Variants in HDAC9 observed in about 807,000 individuals in gnomAD.
The protein encoded by HDAC9 is histone deacetylase 9, also known as MEF-2 interacting transcription repressor (MITR) protein.
HDAC9 carries 41 observed loss-of-function variants against 139.4 expected under a neutral mutation model. That is an observed-to-expected ratio of 0.29 (90% CI 0.23 to 0.38). The LOEUF is 0.38. Among genes scored for constraint, HDAC9 ranks in the 10% least tolerant of loss-of-function variants. The pLI, the probability that HDAC9 is intolerant of heterozygous loss-of-function variation, is 1.00. For missense variants in HDAC9, 1,147 were observed against 1,297.0 expected, an observed-to-expected ratio of 0.88 and a Z score of 1.78; for synonymous variants, 517 against 476.2, an observed-to-expected ratio of 1.09 and a Z score of -1.12.
At chr7:18,218,642 G>T (rs187279086) in intron 2 of HDAC9, among the ~76,000 whole-genome samples, 8 of 152,120 alleles carry the variant, frequency 5.3e-5, no homozygotes, top group Non-Finnish European at 1.2e-4. Context: ...TTACGCTTAG[G>T]TCCACCATTC....
intron 1 of HDAC9, among the ~76,000 whole-genome samples, chr7:18,391,310 G>A (rs900555057): frequency 1.3e-5 from 2 of 151,974 alleles, no homozygotes; most frequent in East Asian, 1.9e-4. Context: ...ACTGGAACCC[G>A]GAAGGCAGAG....
At chr7:18,307,123 GTGTGTGT>G in intron 1 of HDAC9, among the ~76,000 whole-genome samples, 1 of 151,606 alleles carries the variant, frequency 6.6e-6, no homozygotes, top group South Asian at 2.1e-4. Context: ...GTGTGTGTGT[GTGTGTGT>G]GTGTGTGTGT....
intron 1 of HDAC9, among the ~76,000 whole-genome samples, chr7:18,328,722 G>A (rs1585199564): frequency 1.3e-5 from 2 of 151,686 alleles, no homozygotes; most frequent in Admixed American, 1.3e-4. Context: ...AGGACTTTTT[G>A]CATCTATGTT....
At chr7:18,767,184 AATAAC>A in intron 16 of HDAC9, 29 bp downstream of exon 16, 1 of 1,301,428 alleles carries the variant, frequency 7.7e-7, no homozygotes, top group Non-Finnish European at 1.1e-6. Context: ...ACTGCCTTTA[AATAAC>A]ATAAAATTAC....
intron 16 of HDAC9, among the ~76,000 whole-genome samples, chr7:18,771,800 T>C (rs1215407066): frequency 2.0e-5 from 3 of 152,136 alleles, no homozygotes; most frequent in Non-Finnish European, 2.9e-5. Context: ...ACCACATCTA[T>C]GGACATATAG....
intron 22 of HDAC9, among the ~76,000 whole-genome samples, chr7:18,927,279 C>T (rs1804318427): frequency 1.3e-5 from 2 of 152,264 alleles, no homozygotes; most frequent in South Asian, 2.1e-4. Flanking sequence ...TGAATTACAG[C>T]ACCATGAGTC....
intron 1 of HDAC9, among the ~76,000 whole-genome samples, chr7:18,367,423 G>A (rs1240017822): frequency 1.3e-5 from 2 of 152,082 alleles, no homozygotes; most frequent in African/African-American, 2.4e-5. Flanking sequence ...AATTGGTAAA[G>A]ACTCTGTAGA....
intron 6 of HDAC9, among the ~76,000 whole-genome samples, chr7:18,603,126 C>T (rs150023041): frequency 1.5e-3 from 232 of 152,182 alleles, no homozygotes; most frequent in Admixed American, 3.8e-3. Context: ...GCTCTTCCAA[C>T]ATCCTTCTGT....
intron 1 of HDAC9, among the ~76,000 whole-genome samples, chr7:18,139,961 C>T (rs776433497): frequency 9.2e-5 from 14 of 152,148 alleles, no homozygotes; most frequent in Non-Finnish European, 1.9e-4. Flanking sequence ...GACTTCTGTC[C>T]TCCAGAACTG....
intron 24 of HDAC9, among the ~76,000 whole-genome samples, chr7:18,960,062 G>C (rs1783426218): frequency 6.7e-6 from 1 of 149,670 alleles, no homozygotes; most frequent in Admixed American, 6.6e-5. Flanking sequence ...TTAGGGCAAT[G>C]AGAAGTGAAT....
intron 2 of HDAC9, among the ~76,000 whole-genome samples, chr7:18,519,664 T>C (rs1804384633): frequency 6.6e-6 from 1 of 152,102 alleles, no homozygotes; most frequent in African/African-American, 2.4e-5. Context: ...GAGCACACTG[T>C]TCAAATTTTG....
intron 1 of HDAC9, among the ~76,000 whole-genome samples, chr7:18,376,386 C>T (rs913486485): frequency 6.6e-6 from 1 of 152,106 alleles, no homozygotes; most frequent in East Asian, 1.9e-4. Flanking sequence ...TGCCCTGATG[C>T]CATAATTTTG....
At position 18,756,365 on chromosome 7, in the gene HDAC9, AGTT is replaced by A. The variant is rs577311582; in HGVS notation, c.2044-5789_2044-5787del. 5.3e-5 allele frequency among the ~76,000 whole-genome samples: 8 copies of A among 152,320 alleles called. No individual in the cohort carries two copies. In the East Asian group the frequency reaches 1.5e-3, roughly 29 times the overall value. On this transcript the variant is annotated intron_variant, in intron 14 of 25. Transcript: ENST00000686413. ...TTATTAAAAGCGTTTATTATTTTGAAGTTGTCACAGGATAGGAATATGAGCTGT... is the reference window on the plus strand; with the variant it reads ...TTATTAAAAGCGTTTATTATTTTGAAGTCACAGGATAGGAATATGAGCTGT...
intron 2 of HDAC9, among the ~76,000 whole-genome samples, chr7:18,174,057 C>A (rs1487618604): frequency 6.6e-6 from 1 of 152,188 alleles, no homozygotes; most frequent in Non-Finnish European, 1.5e-5. Context: ...AACTCATTTC[C>A]ATTCTCCCCA....
chr7:18,705,453 C>T (rs1457171186), intron 12 of HDAC9, among the ~76,000 whole-genome samples: 1 of 152,168 alleles, frequency 6.6e-6, no homozygotes, highest in Non-Finnish European at 1.5e-5. Flanking sequence ...GGAGCAGGAT[C>T]TCACCCGTTT....
chr7:18,759,184 G>A (rs1789151598), intron 14 of HDAC9, among the ~76,000 whole-genome samples: 1 of 152,012 alleles, frequency 6.6e-6, no homozygotes, highest in African/African-American at 2.4e-5. Context: ...TTACACAAGG[G>A]GATGACCGAT....
upstream of HDAC9, among the ~76,000 whole-genome samples, chr7:18,289,454 C>G (rs2791300): frequency 0.26 from 38,837 of 152,102 alleles, 5,234 homozygotes; most frequent in South Asian, 0.41. Flanking sequence ...AAATTTAACT[C>G]TTTTTGTGAA....
chr7:18,597,034 A>G (rs779613310), intron 6 of HDAC9, among the ~76,000 whole-genome samples: 1 of 152,106 alleles, frequency 6.6e-6, no homozygotes, highest in Non-Finnish European at 1.5e-5. Flanking sequence ...ACAGTTAACT[A>G]CAGAAACCTC....
At chr7:18,778,756 T>C (rs1790994178) in intron 16 of HDAC9, among the ~76,000 whole-genome samples, 1 of 152,028 alleles carries the variant, frequency 6.6e-6, no homozygotes, top group African/African-American at 2.4e-5. Flanking sequence ...CCTTAGAGTC[T>C]CAAGATGTAG....
Sources: allele counts gnomAD v4.1 joint callset (sites outside exome capture counted in the v4.1 genomes callset), GRCh38; gene constraint gnomAD v4.1.1; transcripts MANE v1.5; gene names NCBI Gene and HGNC (gene_info 2026-07-23, HGNC 2026-07-21).